TOP6BL: variants seen among roughly 807,000 people sequenced by gnomAD.
TOP6BL encodes the protein TOP6B like initiator of meiotic double strand breaks.
At chr11:66,801,827 C>T in the TOP6BL span, among the ~76,000 whole-genome samples, 3 of 151,792 alleles carry the variant, frequency 2.0e-5, no homozygotes, top group Non-Finnish European at 4.4e-5. Context: ...AAGACTCTGT[C>T]TCAAAAAAAA....
the TOP6BL span, among the ~76,000 whole-genome samples, chr11:66,799,322 G>A: frequency 6.6e-6 from 1 of 150,492 alleles, no homozygotes; most frequent in African/African-American, 2.4e-5. Flanking sequence ...GGAGGTGGAG[G>A]TTGCGGTGAG....
At chr11:66,762,201 CAGCCGG>C in the TOP6BL span, 1 of 685,294 alleles carries the variant, frequency 1.5e-6, no homozygotes, top group South Asian at 1.6e-5. Context: ...GCCACACCCA[CAGCCGG>C]AGGTGCAGGG....
At chr11:66,755,504 T>C in the TOP6BL span, among the ~76,000 whole-genome samples, 1 of 152,192 alleles carries the variant, frequency 6.6e-6, no homozygotes, top group Non-Finnish European at 1.5e-5. Flanking sequence ...ATCTCTTTTC[T>C]ATTATTTTAT....
At chr11:66,780,460 C>T in the TOP6BL span, among the ~76,000 whole-genome samples, 1 of 152,118 alleles carries the variant, frequency 6.6e-6, no homozygotes, top group South Asian at 2.1e-4. Context: ...AATGCCTTTA[C>T]CTTAACCTCA....
the TOP6BL span, chr11:66,813,861 A>G: frequency 6.2e-7 from 1 of 1,613,480 alleles, no homozygotes; most frequent in Non-Finnish European, 8.5e-7. Flanking sequence ...TTTAGCAACT[A>G]CACATATTTC....
At chr11:66,759,109 C>G in the TOP6BL span, 2 of 1,503,804 alleles carry the variant, frequency 1.3e-6, no homozygotes, top group East Asian at 4.6e-5. Context: ...AAAGAATTAC[C>G]TAACTTCCAT....
the TOP6BL span, among the ~76,000 whole-genome samples, chr11:66,770,051 T>C: frequency 6.6e-6 from 1 of 152,072 alleles, no homozygotes; most frequent in Non-Finnish European, 1.5e-5. Flanking sequence ...GGCCTGAGAT[T>C]AGCAGTTTTA....
chr11:66,757,074 G>GGGT, the TOP6BL span, among the ~76,000 whole-genome samples: 2 of 151,940 alleles, frequency 1.3e-5, no homozygotes, highest in Non-Finnish European at 1.5e-5. Context: ...CAGGCACTGT[G>GGGT]GCTCATACCT....
chr11:66,781,873 G>A, the TOP6BL span, among the ~76,000 whole-genome samples: 4 of 152,030 alleles, frequency 2.6e-5, no homozygotes, highest in African/African-American at 9.7e-5. Flanking sequence ...CCCCTTGACT[G>A]TGGGTTATCA....
chr11:66,842,055 G>A, the TOP6BL span, among the ~76,000 whole-genome samples: 6 of 152,044 alleles, frequency 3.9e-5, no homozygotes, highest in Non-Finnish European at 7.4e-5. Flanking sequence ...AAAATTAGCC[G>A]GTGTGGTGGC....
the TOP6BL span, among the ~76,000 whole-genome samples, chr11:66,774,390 A>G: frequency 2.6e-5 from 4 of 152,104 alleles, no homozygotes; most frequent in African/African-American, 9.7e-5. Flanking sequence ...ATCTTGCTAT[A>G]TGATAGGGCA....
At chr11:66,817,679 C>T in the TOP6BL span, among the ~76,000 whole-genome samples, 2 of 152,000 alleles carry the variant, frequency 1.3e-5, no homozygotes, top group African/African-American at 4.8e-5. Flanking sequence ...CCTCGTGATC[C>T]ACCCGCCTCA....
chr11:66,827,822 G>A, the TOP6BL span, among the ~76,000 whole-genome samples: 2 of 151,722 alleles, frequency 1.3e-5, no homozygotes, highest in South Asian at 2.1e-4. Flanking sequence ...AAAATGAGCC[G>A]GGTGTGGTGG....
the TOP6BL span, among the ~76,000 whole-genome samples, chr11:66,749,898 G>T: frequency 6.6e-6 from 1 of 151,948 alleles, no homozygotes; most frequent in Non-Finnish European, 1.5e-5. Flanking sequence ...TATTTTTTTT[G>T]GGTAGGAAAC....
chr11:66,753,535 T>C, the TOP6BL span, among the ~76,000 whole-genome samples: 1 of 150,452 alleles, frequency 6.6e-6, no homozygotes, highest in East Asian at 2.0e-4. Context: ...GCCTCCCGAG[T>C]AGCTGGGACT....
the TOP6BL span, among the ~76,000 whole-genome samples, chr11:66,776,517 G>A: frequency 1.3e-5 from 2 of 152,138 alleles, no homozygotes; most frequent in Non-Finnish European, 2.9e-5. Flanking sequence ...GCCGGGAGCA[G>A]TGGCTCATGC....
chr11:66,812,596 T>C, the TOP6BL span, among the ~76,000 whole-genome samples: 4 of 152,200 alleles, frequency 2.6e-5, no homozygotes, highest in South Asian at 8.3e-4. Flanking sequence ...CTTTCCATAA[T>C]GCCTCAGTGC....
chr11:66,834,614 G>A, the TOP6BL span, among the ~76,000 whole-genome samples: 1 of 152,194 alleles, frequency 6.6e-6, no homozygotes, highest in Non-Finnish European at 1.5e-5. Context: ...GAGGGAGTGT[G>A]TATTCAGAGT....
the TOP6BL span, among the ~76,000 whole-genome samples, chr11:66,797,172 G>T: frequency 6.6e-6 from 1 of 151,564 alleles, no homozygotes. Context: ...GCTAATTTTT[G>T]TATTTTCAGT....
Sources: gnomAD v4.1 joint callset for allele counts (sites outside exome capture counted in the v4.1 genomes callset) on GRCh38, gnomAD v4.1.1 for gene constraint, MANE v1.5 for transcripts, NCBI Gene and HGNC (gene_info 2026-07-23, HGNC 2026-07-21) for gene names.